The following SLC6A11 variants were observed in gnomAD, a reference collection of about 807,000 sequenced individuals.
SLC6A11 encodes the protein solute carrier family 6 member 11.
Under a neutral mutation model 74.8 loss-of-function variants are expected in SLC6A11, and 25 were observed. The observed-to-expected ratio is 0.33, with a 90% CI of 0.24 to 0.47. SLC6A11 has a LOEUF of 0.47. Ranked by LOEUF, SLC6A11 falls within the 20% of genes least tolerant of loss-of-function variation. The probability of loss-of-function intolerance (pLI) is 1.00; values close to 1 mark genes in which losing one functional copy is unlikely to be tolerated. For missense variants in SLC6A11, 574 were observed against 837.0 expected (o/e 0.69, Z 3.88); for synonymous variants, 330 against 330.2 (o/e 1.00, Z 0.01).
At chr3:10,846,086 G>A (rs1360611172) in intron 5 of SLC6A11, among the ~76,000 whole-genome samples, 1 of 152,208 alleles carries the variant, frequency 6.6e-6, no homozygotes, top group African/African-American at 2.4e-5. Flanking sequence ...AGGATGAAAT[G>A]CAAGGAGAGT....
At chr3:10,820,306 C>A (rs952368452) in intron 3 of SLC6A11, among the ~76,000 whole-genome samples, 5 of 152,186 alleles carry the variant, frequency 3.3e-5, no homozygotes, top group African/African-American at 1.2e-4. Context: ...CAGTGAATGG[C>A]AGACTTAAAA....
At chr3:10,844,096 GC>G in intron 4 of SLC6A11, 117 bp from the exon 5 acceptor site, 2 of 1,223,110 alleles carry the variant, frequency 1.6e-6, no homozygotes, top group Non-Finnish European at 1.2e-6. Flanking sequence ...GAGACATTTG[GC>G]CCACGGTGGA....
intron 6 of SLC6A11, among the ~76,000 whole-genome samples, chr3:10,903,590 G>A (rs1695267016): frequency 6.6e-6 from 1 of 152,190 alleles, no homozygotes. Context: ...CTGGCACATG[G>A]TAGACACTAA....
chr3:10,933,100 T>G (rs941008616), intron 10 of SLC6A11, 51 bp from the exon 11 acceptor site: 61 of 1,321,202 alleles, frequency 4.6e-5, no homozygotes, highest in Non-Finnish European at 6.7e-5. Context: ...GACCCTGCTC[T>G]CCCGTGTGTC....
At chr3:10,899,889 A>C (rs1695216928) in intron 6 of SLC6A11, among the ~76,000 whole-genome samples, 1 of 152,230 alleles carries the variant, frequency 6.6e-6, no homozygotes, top group South Asian at 2.1e-4. Context: ...AAATGGGCTC[A>C]GCTGACCCAA....
chr3:10,932,234 A>G lies in SLC6A11; in HGVS notation c.1372-917A>G, dbSNP rs542051316. ...CTCACACATTCTAGGACATCACTAA[A>G]CTCAATCATCATGGATTTGTATGCT... On this transcript the variant is annotated intron_variant, in intron 10 of 13. Coordinates refer to ENST00000254488, the MANE Select transcript of SLC6A11 (RefSeq NM_014229.3). Among the ~76,000 whole-genome samples the G allele has an allele frequency of 1.1e-4, 16 of 151,902 alleles. No homozygotes were observed. The South Asian group carries it at 3.3e-3, about 32-fold the overall frequency.
At chr3:10,827,599 A>C (rs1229903129) in intron 4 of SLC6A11, among the ~76,000 whole-genome samples, 1 of 152,186 alleles carries the variant, frequency 6.6e-6, no homozygotes, top group Non-Finnish European at 1.5e-5. Context: ...TGCTCAGTCA[A>C]AGTAGACTGC....
chr3:10,903,321 G>C (rs1180433731), intron 6 of SLC6A11, among the ~76,000 whole-genome samples: 1 of 152,172 alleles, frequency 6.6e-6, no homozygotes, highest in Non-Finnish European at 1.5e-5. Flanking sequence ...TGCCATAAAT[G>C]CTGTATAAAA....
At chr3:10,920,404 A>G (rs555736796) in intron 8 of SLC6A11, among the ~76,000 whole-genome samples, 1 of 152,348 alleles carries the variant, frequency 6.6e-6, no homozygotes, top group Admixed American at 6.5e-5. Flanking sequence ...AAACTGGATC[A>G]TATTATCCTT....
intron 8 of SLC6A11, among the ~76,000 whole-genome samples, chr3:10,924,393 CA>C (rs1301379105): frequency 6.6e-6 from 1 of 151,896 alleles, no homozygotes; most frequent in Non-Finnish European, 1.5e-5. Context: ...CTGACCGAGT[CA>C]AAAATCCTAA....
At chr3:10,884,636 C>T (rs1021416936) in intron 6 of SLC6A11, among the ~76,000 whole-genome samples, 5 of 152,212 alleles carry the variant, frequency 3.3e-5, no homozygotes, top group Non-Finnish European at 7.3e-5. Context: ...CTCTCTATCC[C>T]TGCCCAGTCC....
intron 6 of SLC6A11, among the ~76,000 whole-genome samples, chr3:10,909,225 C>G (rs1333213337): frequency 6.6e-6 from 1 of 151,886 alleles, no homozygotes; most frequent in African/African-American, 2.4e-5. Context: ...GGTCATGTGG[C>G]CAGCCCTGAA....
In SLC6A11 at chr3:10,834,695, T is replaced by A. The variant is rs541717253; in HGVS notation, c.624-9519T>A. Among the ~76,000 whole-genome samples the A allele has an allele frequency of 3.3e-5, 5 of 152,268 alleles. No homozygotes were observed. The East Asian group carries it at 9.7e-4, about 30-fold the overall frequency. ...AGGGGCAGATGGAAGACATGCAGGA[T>A]GGGGGAGAAGCGCCAGAGCTGGGGC... is the stretch of plus-strand genomic sequence containing the variant. On this transcript the variant is annotated intron_variant, in intron 4 of 13. Transcript: ENST00000254488.
intron 5 of SLC6A11, among the ~76,000 whole-genome samples, chr3:10,849,197 C>A (rs1471137418): frequency 6.6e-6 from 1 of 152,160 alleles, no homozygotes; most frequent in Non-Finnish European, 1.5e-5. Flanking sequence ...TATATTAAGT[C>A]CTGAGAAAAC....
At chr3:10,920,970 AG>A (rs1439674397) in intron 8 of SLC6A11, among the ~76,000 whole-genome samples, 1 of 152,256 alleles carries the variant, frequency 6.6e-6, no homozygotes, top group African/African-American at 2.4e-5. Context: ...CTTTCTCAGA[AG>A]GACCTGGGCT....
intron 5 of SLC6A11, among the ~76,000 whole-genome samples, chr3:10,868,490 G>A (rs942324988): frequency 6.6e-6 from 1 of 152,212 alleles, no homozygotes; most frequent in Non-Finnish European, 1.5e-5. Flanking sequence ...CACCAATTGT[G>A]CTAACCTTTA....
At chr3:10,898,217 C>T (rs1020123665) in intron 6 of SLC6A11, among the ~76,000 whole-genome samples, 6 of 152,234 alleles carry the variant, frequency 3.9e-5, no homozygotes, top group African/African-American at 1.4e-4. Flanking sequence ...CTGACATGCC[C>T]TCGAGACATT....
intron 4 of SLC6A11, among the ~76,000 whole-genome samples, chr3:10,834,095 G>A (rs1192552139): frequency 6.6e-6 from 1 of 152,216 alleles, no homozygotes; most frequent in Non-Finnish European, 1.5e-5. Flanking sequence ...ATCAGTATAT[G>A]AGTTCTCATC....
chr3:10,895,237 G>C (rs1695156658), intron 6 of SLC6A11, among the ~76,000 whole-genome samples: 1 of 152,198 alleles, frequency 6.6e-6, no homozygotes, highest in Admixed American at 6.5e-5. Flanking sequence ...TAATTTGAGA[G>C]AGTGCATTTT....
Sources: allele counts gnomAD v4.1 joint callset (sites outside exome capture counted in the v4.1 genomes callset), GRCh38; gene constraint gnomAD v4.1.1; transcripts MANE v1.5; gene names NCBI Gene and HGNC (gene_info 2026-07-23, HGNC 2026-07-21).